GULP1: variants seen among roughly 807,000 people sequenced by gnomAD.
GULP1 encodes GULP PTB domain containing engulfment adaptor 1.
A neutral mutation model predicts 40.9 loss-of-function variants in GULP1; 19 were observed. The observed-to-expected ratio is 0.46, with a 90% CI of 0.32 to 0.68. GULP1 has a LOEUF of 0.68. GULP1 is among the 30% of genes least tolerant of loss of function. GULP1 has a pLI of 0.03. For synonymous variants in GULP1, 119 were observed against 117.6 expected, an observed-to-expected ratio of 1.01 and a Z score of -0.08; for missense variants, 312 against 362.2, an observed-to-expected ratio of 0.86 and a Z score of 1.12.
At chr2:188,352,863 G>T (rs2044697853) in intron 1 of GULP1, among the ~76,000 whole-genome samples, 1 of 152,064 alleles carries the variant, frequency 6.6e-6, no homozygotes, top group Non-Finnish European at 1.5e-5. Flanking sequence ...ATGATGCAAA[G>T]TAGAGGTAAA....
intron 3 of GULP1, among the ~76,000 whole-genome samples, chr2:188,480,319 G>T (rs1172976292): frequency 6.6e-6 from 1 of 151,922 alleles, no homozygotes; most frequent in East Asian, 1.9e-4. Flanking sequence ...AAGCAAGGTG[G>T]TCTTCTATCA....
At chr2:188,590,972 T>C (rs945711423) in intron 11 of GULP1, 6 of 152,062 alleles carry the variant, frequency 3.9e-5, no homozygotes, top group African/African-American at 1.2e-4. Context: ...CATCAGACTT[T>C]TGAATTGAAA....
chr2:188,364,855 AACAC>A (rs1187234384), intron 1 of GULP1, among the ~76,000 whole-genome samples: 24 of 143,114 alleles, frequency 1.7e-4, no homozygotes, highest in Admixed American at 4.9e-4. Flanking sequence ...TGTATCCACA[AACAC>A]ACACACACAC....
At chr2:188,414,088 G>A (rs2054258303) in intron 2 of GULP1, among the ~76,000 whole-genome samples, 1 of 151,722 alleles carries the variant, frequency 6.6e-6, no homozygotes, top group African/African-American at 2.4e-5. Context: ...ATGGTGGTGC[G>A]TGCCTGTAAT....
At chr2:188,421,503 G>A (rs1345474117) in intron 2 of GULP1, among the ~76,000 whole-genome samples, 2 of 152,146 alleles carry the variant, frequency 1.3e-5, no homozygotes, top group South Asian at 2.1e-4. Flanking sequence ...ATCATTCCCA[G>A]CCCTTTATTG....
Position 188,569,254 on chromosome 2 carries a change from T to G in GULP1, c.415T>G (p.Leu139Val). Residue 139 changes from leucine (L) to valine (V), a missense_variant, in exon 8 of 12, where the codon TTA becomes GTA. Physicochemically the swap from Leu to Val is conservative, Grantham distance 32. Coordinates refer to ENST00000409830, the MANE Select transcript of GULP1 (RefSeq NM_016315.4). ...DSEKCAEEIT[L>V]TIGQAFDLAY... is the part of the protein sequence containing the mutation. ...TTTTACACAGGCTGAAGAGATCACT[T>G]TAACAATTGGCCAAGCATTTGACCT... 3 of 1,553,334 alleles carry G rather than the reference T, an allele frequency of 1.9e-6. No individual in the cohort carries two copies. Among genetic ancestry groups the G allele is most frequent in the Non-Finnish European group, 2.7e-6 (3 of 1,124,798 alleles).
chr2:188,431,404 GGTGGA>G (rs1392511618), intron 2 of GULP1, among the ~76,000 whole-genome samples: 1 of 152,042 alleles, frequency 6.6e-6, no homozygotes, highest in Non-Finnish European at 1.5e-5. Context: ...CTTCTCAAAG[GGTGGA>G]CAGTTGAAAG....
intron 4 of GULP1, among the ~76,000 whole-genome samples, chr2:188,487,810 G>A (rs1366464490): frequency 1.3e-5 from 2 of 151,932 alleles, no homozygotes; most frequent in South Asian, 2.1e-4. Flanking sequence ...CATATGACAC[G>A]TGCACTGTTT....
intron 1 of GULP1, among the ~76,000 whole-genome samples, chr2:188,371,825 A>G (rs1308145318): frequency 6.6e-6 from 1 of 152,120 alleles, no homozygotes; most frequent in African/African-American, 2.4e-5. Context: ...TTCCTAGTCC[A>G]CAATACAATG....
chr2:188,369,551 C>T (rs997011912), intron 1 of GULP1, among the ~76,000 whole-genome samples: 1 of 152,074 alleles, frequency 6.6e-6, no homozygotes, highest in East Asian at 1.9e-4. Flanking sequence ...GATTCCCTCT[C>T]TGCCCCCTAG....
intron 2 of GULP1, among the ~76,000 whole-genome samples, chr2:188,412,069 T>A (rs182065394): frequency 6.6e-6 from 1 of 152,252 alleles, no homozygotes; most frequent in Non-Finnish European, 1.5e-5. Flanking sequence ...AACCACTTCC[T>A]TATGTAACTT....
At chr2:188,483,522 T>C in intron 4 of GULP1, 30 bp downstream of exon 4, 1 of 954,292 alleles carries the variant, frequency 1.0e-6, no homozygotes, top group Non-Finnish European at 1.6e-6. Context: ...TATTTAATTT[T>C]ATTTTGTTAT....
intron 2 of GULP1, among the ~76,000 whole-genome samples, chr2:188,400,923 TTGTGTGTGTGTGTGTGTGTG>T (rs61060931): frequency 2.9e-5 from 4 of 139,540 alleles, no homozygotes; most frequent in Admixed American, 1.4e-4. Flanking sequence ...AGTGGTGTGT[TTGTGTGTGTGTGTGTGTGTG>T]TGTGTGTGTG....
chr2:188,572,488 C>T (rs1456804151), intron 9 of GULP1, among the ~76,000 whole-genome samples: 1 of 152,140 alleles, frequency 6.6e-6, no homozygotes, highest in Non-Finnish European at 1.5e-5. Context: ...CACGGTCTTA[C>T]ACTGAGTTCA....
intron 1 of GULP1, among the ~76,000 whole-genome samples, chr2:188,335,915 T>G (rs1314665372): frequency 6.6e-6 from 1 of 152,178 alleles, no homozygotes; most frequent in Non-Finnish European, 1.5e-5. Context: ...GCTTTCTGAT[T>G]TAGATTATGT....
chr2:188,510,801 C>T (rs2064438367), intron 4 of GULP1, among the ~76,000 whole-genome samples: 1 of 148,558 alleles, frequency 6.7e-6, no homozygotes. Flanking sequence ...TAACCAATAC[C>T]AGTTTGAGGA....
chr2:188,367,423 G>A (rs1167729665), intron 1 of GULP1, among the ~76,000 whole-genome samples: 1 of 152,182 alleles, frequency 6.6e-6, no homozygotes, highest in Non-Finnish European at 1.5e-5. Flanking sequence ...AAACAGATTA[G>A]CTCCAGGAGT....
intron 2 of GULP1, among the ~76,000 whole-genome samples, chr2:188,412,130 G>A (rs1315103714): frequency 2.6e-5 from 4 of 152,040 alleles, no homozygotes; most frequent in South Asian, 2.1e-4. Flanking sequence ...AGCTGGGGAG[G>A]CCTCAGGAAA....
intron 7 of GULP1, among the ~76,000 whole-genome samples, chr2:188,561,795 C>T (rs1057130549): frequency 6.6e-6 from 1 of 152,158 alleles, no homozygotes; most frequent in African/African-American, 2.4e-5. Flanking sequence ...ACATCATTCT[C>T]ATGGCCCAGT....
Sources: allele counts gnomAD v4.1 joint callset (sites outside exome capture counted in the v4.1 genomes callset), GRCh38; gene constraint gnomAD v4.1.1; transcripts MANE v1.5; gene names NCBI Gene and HGNC (gene_info 2026-07-23, HGNC 2026-07-21).